The following KDM6A variants were observed in gnomAD, a reference collection of about 807,000 sequenced individuals.
KDM6A encodes the protein lysine demethylase 6A, also known as lysine-specific demethylase 6A.
A neutral mutation model predicts 117.6 loss-of-function variants in KDM6A; 11 were observed. That is an observed-to-expected ratio of 0.09 (90% CI 0.06 to 0.15). The LOEUF is 0.15. Among genes scored for constraint, KDM6A ranks in the 10% least tolerant of loss-of-function variants. The pLI is 1.00. For missense variants in KDM6A, 799 were observed against 1,077.3 expected, an observed-to-expected ratio of 0.74 and a Z score of 3.62; for synonymous variants, 384 against 396.1, an observed-to-expected ratio of 0.97 and a Z score of 0.36.
intron 23 of KDM6A, among the ~76,000 whole-genome samples, chrX:45,083,046 C>A (rs1265065763): frequency 9.0e-6 from 1 of 110,538 alleles, no homozygotes; most frequent in Non-Finnish European, 1.9e-5. Context: ...CCACCTCAGC[C>A]TTCCAAAGTG....
At chrX:44,969,280 T>C (rs1167417193) in intron 3 of KDM6A, among the ~76,000 whole-genome samples, 1 of 111,053 alleles carries the variant, frequency 9.0e-6, no homozygotes, top group Non-Finnish European at 1.9e-5. Context: ...TCTGTCACTT[T>C]TGGGCAAAAT....
intron 18 of KDM6A, among the ~76,000 whole-genome samples, chrX:45,073,077 G>T (rs2044938449): frequency 9.1e-6 from 1 of 109,538 alleles, no homozygotes; most frequent in Non-Finnish European, 1.9e-5. Context: ...CTGTGTCCAT[G>T]TGTTCTCATT....
chrX:45,088,888 A>G (rs764134870), intron 25 of KDM6A, among the ~76,000 whole-genome samples: 4 of 112,521 alleles, frequency 3.6e-5, no homozygotes, highest in Non-Finnish European at 5.6e-5. Context: ...TTATTTGTGC[A>G]TGTGCGTGAT....
chrX:45,099,123 A>G (rs1275745397), intron 27 of KDM6A, among the ~76,000 whole-genome samples: 1 of 111,218 alleles, frequency 9.0e-6, no homozygotes, highest in Non-Finnish European at 1.9e-5. Context: ...ATGAAAAAGT[A>G]ATTTGCAGAC....
At chrX:44,949,480 T>TG (rs983780422) in intron 2 of KDM6A, among the ~76,000 whole-genome samples, 10 of 95,801 alleles carry the variant, frequency 1.0e-4, no homozygotes, top group Non-Finnish European at 1.7e-4. Context: ...TAAAAAGTTT[T>TG]TTTTTTTTAA....
intron 4 of KDM6A, among the ~76,000 whole-genome samples, chrX:44,992,096 T>C (rs1005867548): frequency 2.7e-5 from 3 of 110,604 alleles, no homozygotes; most frequent in African/African-American, 9.8e-5. Flanking sequence ...ACAGATAACA[T>C]GACATTTCAA....
intron 2 of KDM6A, among the ~76,000 whole-genome samples, chrX:44,950,119 C>T (rs2037902235): frequency 9.1e-6 from 1 of 110,334 alleles, no homozygotes; most frequent in Non-Finnish European, 1.9e-5. Context: ...CGGGTTCAAG[C>T]GATTCTTTTG....
At chrX:45,023,827 A>T (rs2042263591) in intron 6 of KDM6A, among the ~76,000 whole-genome samples, 1 of 110,321 alleles carries the variant, frequency 9.1e-6, no homozygotes, top group African/African-American at 3.3e-5. Flanking sequence ...AAAGTCCATT[A>T]TCTCATTCTT....
chrX:44,884,102 CAAAAAAA>C (rs60159327), intron 2 of KDM6A, among the ~76,000 whole-genome samples: 3 of 23,785 alleles, frequency 1.3e-4, no homozygotes, highest in South Asian at 7.2e-3. Flanking sequence ...AACTCTATCT[CAAAAAAA>C]AAAAAAAAAA....
chrX:45,000,419 TCCTC>T (rs2041079995), intron 4 of KDM6A, among the ~76,000 whole-genome samples: 1 of 111,623 alleles, frequency 9.0e-6, no homozygotes, highest in South Asian at 3.7e-4. Flanking sequence ...TATTTTTCCT[TCCTC>T]TGGTTGATGA....
intron 2 of KDM6A, among the ~76,000 whole-genome samples, chrX:44,884,102 CAAAAAAAAAA>C (rs60159327): frequency 1.3e-4 from 3 of 23,774 alleles, no homozygotes; most frequent in Admixed American, 6.4e-4. Flanking sequence ...AACTCTATCT[CAAAAAAAAAA>C]AAAAAAAAAA....
chrX:45,033,358 A>G (rs1480524404), intron 6 of KDM6A, among the ~76,000 whole-genome samples: 1 of 111,643 alleles, frequency 9.0e-6, no homozygotes, highest in African/African-American at 3.3e-5. Flanking sequence ...AAAGTGTTCA[A>G]ATGTTAGATT....
intron 25 of KDM6A, among the ~76,000 whole-genome samples, chrX:45,089,239 G>A (rs1008688578): frequency 9.0e-6 from 1 of 111,547 alleles, no homozygotes; most frequent in Admixed American, 9.6e-5. Context: ...ATGCTGGGCC[G>A]GTCCACTTAC....
At chrX:44,979,887 G>A (rs1378538646) in intron 4 of KDM6A, among the ~76,000 whole-genome samples, 1 of 110,547 alleles carries the variant, frequency 9.0e-6, no homozygotes, top group Non-Finnish European at 1.9e-5. Context: ...TCTCTGTTAC[G>A]TTCCAGTGAT....
At chrX:45,089,633 CA>C in intron 25 of KDM6A, 109 bp from the exon 26 acceptor site, 1 of 557,226 alleles carries the variant, frequency 1.8e-6, no homozygotes, top group Non-Finnish European at 3.0e-6. Flanking sequence ...AATTATGTTT[CA>C]ATAAAATGAA....
chrX:44,912,087 T>C (rs1444352239), intron 2 of KDM6A, among the ~76,000 whole-genome samples: 2 of 108,117 alleles, frequency 1.8e-5, no homozygotes, highest in East Asian at 6.0e-4. Context: ...TAAACTTTTT[T>C]TTTGTTTGTT....
At chrX:45,076,628 G>T (rs2045127300) in intron 18 of KDM6A, 69 bp from the exon 19 acceptor site, 9 of 815,321 alleles carry the variant, frequency 1.1e-5, no homozygotes, top group Admixed American at 2.6e-5. Flanking sequence ...CTTAATTCAG[G>T]ATTCTTTTTT....
intron 4 of KDM6A, among the ~76,000 whole-genome samples, chrX:44,997,033 G>A (rs756463395): frequency 9.0e-6 from 1 of 111,485 alleles, no homozygotes; most frequent in Admixed American, 9.4e-5. Flanking sequence ...GCAGGCTGTG[G>A]GGCTCCCACC....
intron 4 of KDM6A, among the ~76,000 whole-genome samples, chrX:44,995,377 C>T (rs1320982553): frequency 2.7e-5 from 3 of 111,061 alleles, no homozygotes; most frequent in Non-Finnish European, 5.7e-5. Flanking sequence ...GAAGGTTTTT[C>T]AGTATGTATA....
Sources: gnomAD v4.1 joint callset for allele counts (sites outside exome capture counted in the v4.1 genomes callset) on GRCh38, gnomAD v4.1.1 for gene constraint, MANE v1.5 for transcripts, NCBI Gene and HGNC (gene_info 2026-07-23, HGNC 2026-07-21) for gene names.